ZBTB20: variants seen among roughly 807,000 people sequenced by gnomAD.
ZBTB20 encodes the protein zinc finger and BTB domain containing 20, also known as zinc finger and BTB domain-containing protein 20.
Under a neutral mutation model 56.9 loss-of-function variants are expected in ZBTB20, and 9 were observed. That is an observed-to-expected ratio of 0.16 (90% CI 0.10 to 0.28). The LOEUF is 0.28. ZBTB20 is among the 10% of genes least tolerant of loss of function. The probability of loss-of-function intolerance (pLI) is 1.00; values close to 1 mark genes in which losing one functional copy is unlikely to be tolerated. For missense variants in ZBTB20, 655 were observed against 1,003.0 expected, an observed-to-expected ratio of 0.65 and a Z score of 4.69; for synonymous variants, 417 against 420.7, an observed-to-expected ratio of 0.99 and a Z score of 0.11.
chr3:114,476,481 G>C (rs1459846656), intron 7 of ZBTB20, among the ~76,000 whole-genome samples: 2 of 152,210 alleles, frequency 1.3e-5, no homozygotes, highest in Non-Finnish European at 2.9e-5. Context: ...ATTTCTCACA[G>C]TTCTGGAGGT....
chr3:115,067,246 A>T (rs1014000604), intron 2 of ZBTB20, among the ~76,000 whole-genome samples: 1 of 152,090 alleles, frequency 6.6e-6, no homozygotes, highest in East Asian at 1.9e-4. Flanking sequence ...ATGCACAGTG[A>T]ATTAGTAAAT....
At chr3:114,863,978 T>C (rs776228350) in intron 4 of ZBTB20, among the ~76,000 whole-genome samples, 2 of 152,044 alleles carry the variant, frequency 1.3e-5, no homozygotes, top group Non-Finnish European at 1.5e-5. Context: ...GAGAGTTCTG[T>C]AATGCTGAGA....
At chr3:114,985,302 C>A (rs1208932891) in intron 2 of ZBTB20, among the ~76,000 whole-genome samples, 1 of 151,978 alleles carries the variant, frequency 6.6e-6, no homozygotes, top group Non-Finnish European at 1.5e-5. Context: ...CAAGTGCTTA[C>A]AATGTGCAAG....
intron 6 of ZBTB20, among the ~76,000 whole-genome samples, chr3:114,629,682 TCTC>T (rs2058834731): frequency 1.3e-5 from 2 of 152,140 alleles, no homozygotes; most frequent in Non-Finnish European, 2.9e-5. Context: ...ATATTTATCT[TCTC>T]CTACTCCCAA....
chr3:114,657,654 GC>G (rs1168937905), intron 6 of ZBTB20, among the ~76,000 whole-genome samples: 5 of 152,124 alleles, frequency 3.3e-5, no homozygotes, highest in Admixed American at 2.6e-4. Flanking sequence ...GTGGTTTTCT[GC>G]CTGAATTCTA....
At chr3:114,858,330 G>T (rs928990659) in intron 4 of ZBTB20, among the ~76,000 whole-genome samples, 1 of 152,028 alleles carries the variant, frequency 6.6e-6, no homozygotes, top group Non-Finnish European at 1.5e-5. Flanking sequence ...AGGTAAAAAT[G>T]GTAATCATAT....
chr3:114,639,379 G>T lies in ZBTB20; in HGVS notation c.-295+54149C>A, dbSNP rs537729058. Among the ~76,000 whole-genome samples the T allele has an allele frequency of 2.0e-5, 3 of 152,116 alleles. No homozygotes were observed. In the East Asian group the frequency reaches 5.8e-4, roughly 29 times the overall value. Reference sequence around the variant, plus strand: ...CTTTCAGCTTGAGCTAAAACTGCAGGATTCTGTCAGAGGCTCCACAAACAA... The same window carrying T: ...CTTTCAGCTTGAGCTAAAACTGCAGTATTCTGTCAGAGGCTCCACAAACAA... On this transcript the variant is annotated intron_variant, in intron 6 of 11. Coordinates refer to ENST00000675478, the MANE Select transcript of ZBTB20 (RefSeq NM_001348800.3).
At chr3:114,501,939 C>T (rs2044039204) in intron 6 of ZBTB20, among the ~76,000 whole-genome samples, 1 of 151,968 alleles carries the variant, frequency 6.6e-6, no homozygotes, top group Non-Finnish European at 1.5e-5. Flanking sequence ...AACTCCTGAA[C>T]TCAGGTGATC....
At chr3:114,435,184 TTTA>T (rs1245091317) in intron 7 of ZBTB20, among the ~76,000 whole-genome samples, 1 of 152,132 alleles carries the variant, frequency 6.6e-6, no homozygotes, top group East Asian at 1.9e-4. Flanking sequence ...AGCATTTCCT[TTTA>T]TTATCATATG....
intron 3 of ZBTB20, among the ~76,000 whole-genome samples, chr3:114,940,806 T>C (rs2076697890): frequency 6.8e-6 from 1 of 146,270 alleles, no homozygotes; most frequent in East Asian, 1.9e-4. Flanking sequence ...ATTCAGTAAG[T>C]TTGTTCCAAA....
intron 1 of ZBTB20, among the ~76,000 whole-genome samples, chr3:115,122,589 C>A (rs1262737139): frequency 6.6e-6 from 1 of 152,078 alleles, no homozygotes; most frequent in Non-Finnish European, 1.5e-5. Flanking sequence ...AAATGTGTCA[C>A]AGTCCCTCAG....
intron 5 of ZBTB20, among the ~76,000 whole-genome samples, chr3:114,753,835 A>G (rs1246157941): frequency 2.6e-5 from 4 of 152,182 alleles, no homozygotes; most frequent in Non-Finnish European, 5.9e-5. Flanking sequence ...CAGTATCCCT[A>G]GTCCATAAAA....
intron 10 of ZBTB20, among the ~76,000 whole-genome samples, chr3:114,368,337 G>GC (rs951744702): frequency 7.6e-4 from 116 of 152,286 alleles, no homozygotes; most frequent in African/African-American, 2.7e-3. Flanking sequence ...ACAACACATA[G>GC]CCCCAGTCTT....
At chr3:114,973,207 C>T (rs2077960611) in intron 3 of ZBTB20, among the ~76,000 whole-genome samples, 1 of 151,804 alleles carries the variant, frequency 6.6e-6, no homozygotes, top group African/African-American at 2.4e-5. Flanking sequence ...AAAATATTGC[C>T]GAGTATTAAT....
At chr3:115,137,363 G>C (rs1576832957) in intron 1 of ZBTB20, among the ~76,000 whole-genome samples, 1 of 152,020 alleles carries the variant, frequency 6.6e-6, no homozygotes, top group East Asian at 1.9e-4. Context: ...CTTGGTTGGA[G>C]GTCATTTAAA....
chr3:114,526,397 T>C (rs2109985607), intron 6 of ZBTB20, among the ~76,000 whole-genome samples: 1 of 152,334 alleles, frequency 6.6e-6, no homozygotes, highest in South Asian at 2.1e-4. Flanking sequence ...CTGCTTTCAT[T>C]CTGTCCTGCA....
intron 3 of ZBTB20, among the ~76,000 whole-genome samples, chr3:114,950,146 C>G (rs1249701279): frequency 6.6e-6 from 1 of 152,088 alleles, no homozygotes; most frequent in Non-Finnish European, 1.5e-5. Flanking sequence ...CAGTAGTCCC[C>G]CTTTATCCAT....
intron 4 of ZBTB20, among the ~76,000 whole-genome samples, chr3:114,839,214 A>G (rs551552516): frequency 1.1e-4 from 16 of 152,142 alleles, no homozygotes; most frequent in African/African-American, 3.9e-4. Context: ...CAGCTTTGGC[A>G]ATGTGCCAAA....
intron 6 of ZBTB20, among the ~76,000 whole-genome samples, chr3:114,558,380 C>T (rs982814972): frequency 2.0e-5 from 3 of 151,966 alleles, no homozygotes; most frequent in African/African-American, 4.8e-5. Context: ...ACCTCATTTG[C>T]GAACAATACT....
Sources: allele counts gnomAD v4.1 joint callset (sites outside exome capture counted in the v4.1 genomes callset), GRCh38; gene constraint gnomAD v4.1.1; transcripts MANE v1.5; gene names NCBI Gene and HGNC (gene_info 2026-07-23, HGNC 2026-07-21).